IL1R1: variants seen among roughly 807,000 people sequenced by gnomAD.
IL1R1 encodes the protein interleukin 1 receptor type 1.
IL1R1 carries 22 observed loss-of-function variants against 50.2 expected under a neutral mutation model. The ratio of observed to expected loss-of-function variants is 0.44; its 90% CI spans 0.31 to 0.63. The LOEUF (loss-of-function observed/expected upper bound fraction) is 0.63. Among genes scored for constraint, IL1R1 ranks in the 20% least tolerant of loss-of-function variants. The pLI is 0.07. For synonymous variants in IL1R1, 251 were observed against 236.7 expected (o/e 1.06, Z -0.55); for missense variants, 509 against 676.2 (o/e 0.75, Z 2.74).
rs201544949 is a variant in IL1R1 at position 102,176,882 on chromosome 2, G to T, written c.*123G>T. Reference sequence around the variant, plus strand: ...AACTATATCATCCTTTATCCCTGAGGTCACCTGGAATCAGATTATTAAGGG... The same window carrying T: ...AACTATATCATCCTTTATCCCTGAGTTCACCTGGAATCAGATTATTAAGGG... On this transcript the variant is annotated 3_prime_UTR_variant, in exon 12 of 12. Coordinates refer to ENST00000410023, the MANE Select transcript of IL1R1 (RefSeq NM_000877.4). 2 of 934,574 alleles carry T rather than the reference G, an allele frequency of 2.1e-6. No homozygotes were observed. The highest frequency in any genetic ancestry group is 3.3e-6 in the Non-Finnish European group (2 of 609,750). The allele number at this position is 934,574 out of a possible 1,614,324, so 57.9% of individuals were successfully genotyped here.
chr2:102,094,299 T>C (rs1679806068), intron 1 of IL1R1, among the ~76,000 whole-genome samples: 1 of 152,230 alleles, frequency 6.6e-6, no homozygotes, highest in Non-Finnish European at 1.5e-5. Flanking sequence ...TGATCATGAT[T>C]AATACCAATT....
intron 6 of IL1R1, among the ~76,000 whole-genome samples, chr2:102,167,670 G>A (rs1296588058): frequency 6.6e-6 from 1 of 151,656 alleles, no homozygotes; most frequent in Non-Finnish European, 1.5e-5. Context: ...GGATGGTCTC[G>A]ATCTCCTGAC....
chr2:102,133,968 G>T (rs2310187), intron 1 of IL1R1, among the ~76,000 whole-genome samples: 35,458 of 151,900 alleles, frequency 0.23, 6,077 homozygotes, highest in African/African-American at 0.48. Flanking sequence ...AATTCTATTT[G>T]TAGACAACAT....
At chr2:102,097,266 G>A (rs896185305) in intron 1 of IL1R1, among the ~76,000 whole-genome samples, 6 of 152,096 alleles carry the variant, frequency 3.9e-5, no homozygotes, top group African/African-American at 1.4e-4. Flanking sequence ...ACTCACATGA[G>A]CTCTTAACTG....
chr2:102,123,173 G>C (rs1004361762), intron 1 of IL1R1, among the ~76,000 whole-genome samples: 4 of 152,174 alleles, frequency 2.6e-5, no homozygotes, highest in African/African-American at 9.7e-5. Context: ...TTGATTCAAA[G>C]GATAATGTAA....
At chr2:102,074,325 T>C (rs1430065424) in intron 1 of IL1R1, among the ~76,000 whole-genome samples, 1 of 152,170 alleles carries the variant, frequency 6.6e-6, no homozygotes, top group Non-Finnish European at 1.5e-5. Context: ...TTCCATATGG[T>C]GCTTTCACAC....
chr2:102,076,912 G>T (rs1304736596), intron 1 of IL1R1, among the ~76,000 whole-genome samples: 1 of 151,884 alleles, frequency 6.6e-6, no homozygotes, highest in Non-Finnish European at 1.5e-5. Context: ...ATCCCCCCTT[G>T]AGGGACTTCC....
upstream of IL1R1, among the ~76,000 whole-genome samples, chr2:102,102,108 G>A (rs929484671): frequency 1.6e-4 from 25 of 152,150 alleles, no homozygotes; most frequent in African/African-American, 6.0e-4. Context: ...TGGAAAAGAG[G>A]GCTGGAAAAG....
chr2:102,146,580 C>G (rs1308462726), intron 1 of IL1R1, among the ~76,000 whole-genome samples: 1 of 152,136 alleles, frequency 6.6e-6, no homozygotes, highest in Non-Finnish European at 1.5e-5. Context: ...ATGAATGACT[C>G]TCGGTTAAGG....
intron 1 of IL1R1, among the ~76,000 whole-genome samples, chr2:102,096,432 A>G (rs1420840225): frequency 6.6e-6 from 1 of 152,186 alleles, no homozygotes; most frequent in Non-Finnish European, 1.5e-5. Context: ...AATGTGAAAT[A>G]GTTTCTCATT....
chr2:102,121,902 T>C lies in IL1R1; in HGVS notation c.-84+17030T>C, dbSNP rs571106697. On this transcript the variant is annotated intron_variant, in intron 1 of 10. Transcript: ENST00000409329. ...TGGAGTTTAAAGCCATGCAACACTTTTTTGTTCTCAGCCTTCATCTTCCTC... is the reference window on the plus strand; with the variant it reads ...TGGAGTTTAAAGCCATGCAACACTTCTTTGTTCTCAGCCTTCATCTTCCTC... Among the ~76,000 whole-genome samples, 5 of 152,310 alleles carry C rather than the reference T, an allele frequency of 3.3e-5. 2 individuals are homozygous for C. Among genetic ancestry groups the C allele is most frequent in the African/African-American group, 1.2e-4 (5 of 41,576 alleles).
chr2:102,131,903 AT>A (rs75201664), intron 1 of IL1R1, among the ~76,000 whole-genome samples: 60,228 of 151,860 alleles, frequency 0.4, 12,607 homozygotes, highest in East Asian at 0.48. Flanking sequence ...TCATAATTAA[AT>A]TTCTTAAAAT....
intron 11 of IL1R1, 86 bp downstream of exon 11, chr2:102,175,731 G>A (rs1470476160): frequency 8.0e-7 from 1 of 1,252,808 alleles, no homozygotes; most frequent in East Asian, 2.3e-5. Context: ...GAAGATCGTG[G>A]CATAGGGGTA....
chr2:102,161,686 AATTT>A (rs1455502373), intron 3 of IL1R1, among the ~76,000 whole-genome samples: 2 of 151,690 alleles, frequency 1.3e-5, no homozygotes, highest in South Asian at 2.1e-4. Context: ...ATTTTTTTAA[AATTT>A]ATTTATTTAT....
At chr2:102,115,364 A>G (rs1483960557) in intron 1 of IL1R1, among the ~76,000 whole-genome samples, 6 of 152,208 alleles carry the variant, frequency 3.9e-5, no homozygotes, top group African/African-American at 4.8e-5. Flanking sequence ...GAAGTTATCA[A>G]GGGCTCTCTA....
At chr2:102,154,333 G>A (rs1476425318) in intron 2 of IL1R1, among the ~76,000 whole-genome samples, 1 of 152,110 alleles carries the variant, frequency 6.6e-6, no homozygotes, top group Non-Finnish European at 1.5e-5. Context: ...TCCAGGCCTT[G>A]CTGTCCATTT....
intron 1 of IL1R1, among the ~76,000 whole-genome samples, chr2:102,115,649 T>C (rs1681029212): frequency 6.6e-6 from 1 of 152,050 alleles, no homozygotes; most frequent in Non-Finnish European, 1.5e-5. Context: ...GTCGGAGGGA[T>C]GGGAAAACCC....
At chr2:102,114,210 A>G (rs1204640645) in intron 1 of IL1R1, among the ~76,000 whole-genome samples, 2 of 152,242 alleles carry the variant, frequency 1.3e-5, no homozygotes, top group African/African-American at 4.8e-5. Flanking sequence ...GTAATATTGA[A>G]GCCCAAATCA....
intron 1 of IL1R1, among the ~76,000 whole-genome samples, chr2:102,125,883 G>A (rs1681685318): frequency 6.6e-6 from 1 of 152,190 alleles, no homozygotes; most frequent in East Asian, 1.9e-4. Context: ...CTTCCCAGAA[G>A]ACTTATTGCT....
Sources: gnomAD v4.1 joint callset for allele counts (sites outside exome capture counted in the v4.1 genomes callset) on GRCh38, gnomAD v4.1.1 for gene constraint, MANE v1.5 for transcripts, NCBI Gene and HGNC (gene_info 2026-07-23, HGNC 2026-07-21) for gene names.